Variants in ARHGAP15 observed in about 807,000 individuals in gnomAD.
ARHGAP15 encodes Rho GTPase activating protein 15.
Under a neutral mutation model 63.7 loss-of-function variants are expected in ARHGAP15, and 51 were observed. The ratio of observed to expected loss-of-function variants is 0.80; its 90% CI spans 0.64 to 1.01. The LOEUF (loss-of-function observed/expected upper bound fraction) is 1.01. ARHGAP15 is among the 50% of genes least tolerant of loss of function. The probability of loss-of-function intolerance (pLI) is 0.00; values close to 1 mark genes in which losing one functional copy is unlikely to be tolerated. For synonymous variants in ARHGAP15, 191 were observed against 193.8 expected (o/e 0.99, Z 0.12); for missense variants, 560 against 564.6 (o/e 0.99, Z 0.08).
At chr2:143,209,774 G>T (rs752168314) in intron 3 of ARHGAP15, among the ~76,000 whole-genome samples, 22 of 152,134 alleles carry the variant, frequency 1.4e-4, no homozygotes, top group Non-Finnish European at 2.8e-4. Flanking sequence ...TTCCACAGCA[G>T]CCAGAATATT....
At chr2:143,320,290 G>C (rs898742951) in intron 6 of ARHGAP15, among the ~76,000 whole-genome samples, 5 of 151,966 alleles carry the variant, frequency 3.3e-5, no homozygotes, top group African/African-American at 1.2e-4. Flanking sequence ...CTGCAGAGCT[G>C]ATTGTGCACA....
At chr2:143,470,417 G>C (rs1691461011) in intron 8 of ARHGAP15, among the ~76,000 whole-genome samples, 1 of 151,218 alleles carries the variant, frequency 6.6e-6, no homozygotes, top group South Asian at 2.1e-4. Flanking sequence ...AACATTAGGT[G>C]GTTTATTTTC....
Position 143,678,387 on chromosome 2 carries a change from TA to T in ARHGAP15, c.1139-25027del, listed in dbSNP as rs1383813990. Among the ~76,000 whole-genome samples, 4 of 152,280 alleles carry T rather than the reference TA, an allele frequency of 2.6e-5. No homozygotes were observed. In the East Asian group the frequency reaches 7.7e-4, roughly 29 times the overall value. ...GTAGTTTTTGAAATTTTCTTGTCAATAAAAAGTCAAGAAAAAACAAACATTC... is the reference window on the plus strand; with the variant it reads ...GTAGTTTTTGAAATTTTCTTGTCAATAAAAGTCAAGAAAAAACAAACATTC... On this transcript the variant is annotated intron_variant, in intron 12 of 13. Transcript: ENST00000295095.
intron 5 of ARHGAP15, among the ~76,000 whole-genome samples, chr2:143,231,069 C>CTTTTTT (rs914904536): frequency 1.0e-4 from 13 of 125,416 alleles, no homozygotes; most frequent in African/African-American, 3.3e-4. Context: ...GATGTAATTC[C>CTTTTTT]TTTTTTTTTT....
intron 5 of ARHGAP15, chr2:143,247,416 C>G (rs1195178211): frequency 2.0e-5 from 3 of 152,366 alleles, no homozygotes; most frequent in South Asian, 4.1e-4. Flanking sequence ...TATGTAAACC[C>G]TTAAAATCCC....
At chr2:143,299,017 A>G (rs1281748120) in intron 6 of ARHGAP15, among the ~76,000 whole-genome samples, 1 of 151,876 alleles carries the variant, frequency 6.6e-6, no homozygotes, top group Non-Finnish European at 1.5e-5. Flanking sequence ...TATTTTTTTA[A>G]CTTTGCTACA....
chr2:143,412,020 A>G (rs1254873928), intron 6 of ARHGAP15, among the ~76,000 whole-genome samples: 5 of 152,194 alleles, frequency 3.3e-5, no homozygotes, highest in Non-Finnish European at 5.9e-5. Context: ...TCAATATGAT[A>G]GGCAAATGGT....
intron 3 of ARHGAP15, among the ~76,000 whole-genome samples, chr2:143,214,124 A>T (rs748085886): frequency 2.6e-5 from 4 of 152,168 alleles, no homozygotes; most frequent in Non-Finnish European, 5.9e-5. Context: ...ATGTCTACCG[A>T]GGGATCTTTT....
intron 8 of ARHGAP15, among the ~76,000 whole-genome samples, chr2:143,463,791 T>G (rs1296374616): frequency 6.6e-6 from 1 of 152,178 alleles, no homozygotes; most frequent in Admixed American, 6.5e-5. Context: ...CTCTAAAAAT[T>G]TCTTCACAGC....
intron 5 of ARHGAP15, among the ~76,000 whole-genome samples, chr2:143,249,648 A>C (rs1410991164): frequency 6.6e-6 from 1 of 152,130 alleles, no homozygotes; most frequent in Non-Finnish European, 1.5e-5. Context: ...CTTTTTAAAA[A>C]ATAATTGGCG....
intron 6 of ARHGAP15, among the ~76,000 whole-genome samples, chr2:143,275,005 T>A (rs1481903898): frequency 2.8e-5 from 4 of 144,974 alleles, no homozygotes; most frequent in Non-Finnish European, 3.0e-5. Flanking sequence ...TACTAAAAAT[T>A]AAAAAAAAAA....
At chr2:143,386,122 A>G (rs936851710) in intron 6 of ARHGAP15, among the ~76,000 whole-genome samples, 25 of 152,166 alleles carry the variant, frequency 1.6e-4, no homozygotes, top group African/African-American at 5.8e-4. Flanking sequence ...CAATAGAGGG[A>G]GGAAACGCAG....
At chr2:143,443,962 T>A (rs1254771694) in intron 8 of ARHGAP15, among the ~76,000 whole-genome samples, 18 of 152,186 alleles carry the variant, frequency 1.2e-4, no homozygotes, top group Non-Finnish European at 2.2e-4. Flanking sequence ...GAGCAAAGAA[T>A]GTCCTGATTA....
chr2:143,244,456 A>G (rs143482906), intron 5 of ARHGAP15, among the ~76,000 whole-genome samples: 31 of 152,314 alleles, frequency 2.0e-4, no homozygotes, highest in African/African-American at 6.7e-4. Context: ...ATTACGGCAG[A>G]TGGTAGGCAA....
rs75720317 is a variant in ARHGAP15 at position 143,177,143 on chromosome 2, C to T, written c.165+21488C>T. ...TGAATGACTTGGAAAATAAAATATG[C>T]GACATAACTGAAATTTAGATATGCT... On this transcript the variant is annotated intron_variant, in intron 2 of 13. Coordinates refer to ENST00000295095, the MANE Select transcript of ARHGAP15 (RefSeq NM_018460.4). Among the ~76,000 whole-genome samples the T allele has an allele frequency of 8.6e-3, 1,313 of 152,242 alleles. 22 individuals are homozygous for T. Among genetic ancestry groups the T allele is most frequent in the African/African-American group, 0.03 (1,245 of 41,544 alleles).
chr2:143,388,163 T>A (rs2104959767), intron 6 of ARHGAP15, among the ~76,000 whole-genome samples: 1 of 152,306 alleles, frequency 6.6e-6, no homozygotes, highest in Admixed American at 6.5e-5. Context: ...CCAAAATTAT[T>A]CACGTTATTT....
At chr2:143,480,979 C>T (rs1003392750) in intron 8 of ARHGAP15, among the ~76,000 whole-genome samples, 3 of 152,042 alleles carry the variant, frequency 2.0e-5, no homozygotes, top group African/African-American at 7.2e-5. Context: ...AATTCCAATA[C>T]AAGAAGTTTG....
At chr2:143,321,107 C>T (rs746072560) in intron 6 of ARHGAP15, among the ~76,000 whole-genome samples, 14 of 151,906 alleles carry the variant, frequency 9.2e-5, no homozygotes, top group Admixed American at 4.6e-4. Flanking sequence ...TACCATTTTC[C>T]TGGTATCCTG....
intron 2 of ARHGAP15, among the ~76,000 whole-genome samples, 186 bp downstream of exon 2, chr2:143,155,841 G>T (rs928620899): frequency 3.3e-5 from 5 of 151,808 alleles, no homozygotes; most frequent in African/African-American, 1.2e-4. Flanking sequence ...AGAAGAGCTG[G>T]GCTTAATCCA....
Sources: allele counts gnomAD v4.1 joint callset (sites outside exome capture counted in the v4.1 genomes callset), GRCh38; gene constraint gnomAD v4.1.1; transcripts MANE v1.5; gene names NCBI Gene and HGNC (gene_info 2026-07-23, HGNC 2026-07-21).